The following NLGN1 variants were observed in gnomAD, a reference collection of about 807,000 sequenced individuals.
The protein encoded by NLGN1 is neuroligin 1.
In NLGN1, 12 loss-of-function variants were observed where a neutral mutation model predicts 65.5. That is an observed-to-expected ratio of 0.18 (90% CI 0.12 to 0.30). NLGN1 has a LOEUF of 0.30. NLGN1 is among the 10% of genes least tolerant of loss of function. The probability of loss-of-function intolerance (pLI) is 1.00; values close to 1 mark genes in which losing one functional copy is unlikely to be tolerated. For synonymous variants in NLGN1, 350 were observed against 359.5 expected, an observed-to-expected ratio of 0.97 and a Z score of 0.30; for missense variants, 750 against 1,007.1, an observed-to-expected ratio of 0.74 and a Z score of 3.46.
chr3:174,160,941 T>C (rs1726384146), intron 4 of NLGN1, among the ~76,000 whole-genome samples: 1 of 151,604 alleles, frequency 6.6e-6, no homozygotes. Flanking sequence ...CCTCTACTAC[T>C]CTGCCCAGCC....
chr3:173,467,753 A>G (rs1478036136), intron 2 of NLGN1, among the ~76,000 whole-genome samples: 2 of 152,098 alleles, frequency 1.3e-5, no homozygotes, highest in Non-Finnish European at 2.9e-5. Context: ...GCTTAACACA[A>G]TGTTTATCTC....
intron 4 of NLGN1, among the ~76,000 whole-genome samples, chr3:173,836,541 C>A (rs1411287353): frequency 6.6e-6 from 1 of 152,042 alleles, no homozygotes; most frequent in Admixed American, 6.5e-5. Flanking sequence ...ACCAATAAAA[C>A]AATATAATTG....
intron 2 of NLGN1, among the ~76,000 whole-genome samples, chr3:173,460,877 A>G (rs941042129): frequency 6.6e-6 from 1 of 152,144 alleles, no homozygotes; most frequent in African/African-American, 2.4e-5. Flanking sequence ...CACAGTGTGA[A>G]GAGCTGCCTA....
intron 4 of NLGN1, among the ~76,000 whole-genome samples, chr3:174,060,746 C>G (rs1737218273): frequency 6.6e-6 from 1 of 152,046 alleles, no homozygotes; most frequent in Non-Finnish European, 1.5e-5. Flanking sequence ...CTGGCTCAAG[C>G]TGATAAGAGA....
At chr3:174,098,246 G>A (rs1370578925) in intron 4 of NLGN1, among the ~76,000 whole-genome samples, 2 of 151,952 alleles carry the variant, frequency 1.3e-5, no homozygotes, top group Admixed American at 1.3e-4. Context: ...CTTCAATTGT[G>A]GCTGTGCATT....
chr3:173,683,550 GT>G (rs1280470849), intron 3 of NLGN1, among the ~76,000 whole-genome samples: 1 of 152,006 alleles, frequency 6.6e-6, no homozygotes, highest in Non-Finnish European at 1.5e-5. Flanking sequence ...TCAAAATATG[GT>G]TTTTTTACCC....
At chr3:174,076,714 A>T (rs940781773) in intron 4 of NLGN1, among the ~76,000 whole-genome samples, 41 of 135,550 alleles carry the variant, frequency 3.0e-4, no homozygotes, top group African/African-American at 1.2e-3. Flanking sequence ...AGAGAGAGAG[A>T]GAGAGAGAGA....
intron 2 of NLGN1, among the ~76,000 whole-genome samples, chr3:173,552,664 G>A (rs566181586): frequency 6.6e-6 from 1 of 152,214 alleles, no homozygotes; most frequent in South Asian, 2.1e-4. Context: ...TGAATTCCAC[G>A]TTTCACACAG....
chr3:173,575,056 T>A (rs941028245), intron 2 of NLGN1, among the ~76,000 whole-genome samples: 1 of 152,124 alleles, frequency 6.6e-6, no homozygotes, highest in African/African-American at 2.4e-5. Context: ...GGCTATTTTT[T>A]AAAAAATTTG....
chr3:174,220,022 C>T (rs1738344618), intron 4 of NLGN1, among the ~76,000 whole-genome samples: 1 of 151,996 alleles, frequency 6.6e-6, no homozygotes, highest in African/African-American at 2.4e-5. Context: ...AGGGACCAGG[C>T]AGGGAGGCAA....
chr3:173,773,317 C>A (rs1328066561), intron 3 of NLGN1, among the ~76,000 whole-genome samples: 1 of 152,096 alleles, frequency 6.6e-6, no homozygotes, highest in East Asian at 1.9e-4. Context: ...ACAAAGAAAT[C>A]CTCCCCAAAA....
At position 173,935,593 on chromosome 3, in the gene NLGN1, T is replaced by TACACACACACACACAC. The variant is rs769538665; in HGVS notation, c.646+127776_646+127791dup. ...CCATTTGTCATGAGAATATACAGTC[T>TACACACACACACACAC]ACACACACACACACACACACACACA... On this transcript the variant is annotated intron_variant, in intron 4 of 6. Coordinates refer to ENST00000457714, the Ensembl canonical transcript of NLGN1. 2.4e-3 allele frequency among the ~76,000 whole-genome samples: 345 copies of TACACACACACACACAC among 142,790 alleles called. 1 individual carries two copies. The highest frequency in any genetic ancestry group is 8.2e-3 in the African/African-American group (318 of 38,678). The allele number at this position is 142,790 out of a possible 152,430, so 93.7% of individuals were successfully genotyped here.
chr3:173,412,475 A>G (rs570014369), intron 1 of NLGN1, among the ~76,000 whole-genome samples: 14 of 152,314 alleles, frequency 9.2e-5, no homozygotes, highest in Non-Finnish European at 1.9e-4. Flanking sequence ...AAAGGAAAAT[A>G]GAATGTATTT....
chr3:174,040,413 AAGGAGCT>A (rs923056939), intron 4 of NLGN1, among the ~76,000 whole-genome samples: 2 of 152,192 alleles, frequency 1.3e-5, no homozygotes, highest in African/African-American at 4.8e-5. Flanking sequence ...AAACTTCTGA[AAGGAGCT>A]ATCTTTGACC....
At chr3:173,951,068 T>C (rs1280084625) in intron 4 of NLGN1, among the ~76,000 whole-genome samples, 1 of 152,016 alleles carries the variant, frequency 6.6e-6, no homozygotes, top group East Asian at 1.9e-4. Context: ...GGTTTCACCA[T>C]GTTGGCCAGG....
chr3:174,275,407 T>C, exon 5 of NLGN1: 1 of 1,612,716 alleles, frequency 6.2e-7, no homozygotes, highest in Non-Finnish European at 8.5e-7. Context: ...AAACATTGGA[T>C]TCTTTGGTGG....
intron 4 of NLGN1, among the ~76,000 whole-genome samples, chr3:174,257,428 A>G (rs1746001080): frequency 1.3e-5 from 2 of 152,224 alleles, no homozygotes; most frequent in African/African-American, 4.8e-5. Flanking sequence ...AGGAATATTA[A>G]TTGTCCTATT....
intron 3 of NLGN1, among the ~76,000 whole-genome samples, chr3:173,743,467 T>C (rs1275278847): frequency 6.6e-6 from 1 of 152,186 alleles, no homozygotes; most frequent in Non-Finnish European, 1.5e-5. Flanking sequence ...ACTACTTCAG[T>C]GTCACTGTTA....
At chr3:173,580,675 C>T (rs1420833878) in intron 2 of NLGN1, among the ~76,000 whole-genome samples, 5 of 151,928 alleles carry the variant, frequency 3.3e-5, no homozygotes, top group Non-Finnish European at 7.4e-5. Context: ...TTTCCTCTAT[C>T]CCTCCTTCTC....
Sources: gnomAD v4.1 joint callset for allele counts (sites outside exome capture counted in the v4.1 genomes callset) on GRCh38, gnomAD v4.1.1 for gene constraint, MANE v1.5 for transcripts, NCBI Gene and HGNC (gene_info 2026-07-23, HGNC 2026-07-21) for gene names.